Variants in TACC2 observed in about 807,000 individuals in gnomAD.
TACC2 encodes the protein transforming acidic coiled-coil containing protein 2.
TACC2 carries 137 observed loss-of-function variants against 227.3 expected under a neutral mutation model. That is an observed-to-expected ratio of 0.60 (90% confidence interval 0.52 to 0.69). The LOEUF (loss-of-function observed/expected upper bound fraction) is 0.69, where lower values mean the gene tolerates loss of function less well. TACC2 is among the 30% of genes least tolerant of loss of function. TACC2 has a pLI of 0.00. For synonymous variants in TACC2, 1,523 were observed against 1,487.5 expected (o/e 1.02, Z -0.55); for missense variants, 3,470 against 3,694.4 (o/e 0.94, Z 1.57).
Position 122,087,548 on chromosome 10 carries a change from C to T in TACC2, c.5048C>T (p.Pro1683Leu), listed in dbSNP as rs751066749. The stretch of plus-strand genomic sequence containing the variant: ...CTGGGCAACCAGAGCACCCCTGCAC[C>T]ACCAACTGGAGAAGTGGCAGACACT... ...NALGNQSTPA[P>L]PTGEVADTPL... is the part of the protein sequence containing the mutation. The change falls in exon 4 of 23, where the codon CCA becomes CTA. Residue 1683 changes from proline to leucine, a missense_variant. Coordinates refer to ENST00000369005, the MANE Select transcript of TACC2 (RefSeq NM_206862.4). The T allele has an allele frequency of 6.2e-7, 1 of 1,613,820 alleles. No individual in the cohort carries two copies. Among genetic ancestry groups the T allele is most frequent in the Non-Finnish European group, 8.5e-7 (1 of 1,180,038 alleles).
In TACC2 at chr10:122,248,677, G is replaced by C. The variant is rs1309376878; in HGVS notation, c.8427G>C (p.Gln2809His). 17 of 1,613,730 alleles carry C rather than the reference G, an allele frequency of 1.1e-5. No individual in the cohort carries two copies. The highest frequency in any genetic ancestry group is 1.4e-5 in the Non-Finnish European group (17 of 1,180,048). ...DEQREKSVSHQTVQQLVLEKE... is the reference protein window; with the variant it reads ...DEQREKSVSHHTVQQLVLEKE... ...AGAGAGAGAAGTCAGTCTCCCACCAGACGGTGCAGCAGCTGGTTCTGGAGA... is the reference window on the plus strand; with the variant it reads ...AGAGAGAGAAGTCAGTCTCCCACCACACGGTGCAGCAGCTGGTTCTGGAGA... Residue 2809 changes from glutamine (Q) to histidine (H), a missense_variant, in exon 20 of 23, where the codon CAG (glutamine) becomes CAC (histidine). This residue lies in a region of TACC2 where 65 missense variants were observed against 119.3 expected (regional missense o/e 0.54). Coordinates refer to ENST00000369005, the MANE Select transcript of TACC2 (RefSeq NM_206862.4).
At chr10:122,033,245 T>C in intron 2 of TACC2, 1 of 875,804 alleles carries the variant, frequency 1.1e-6, no homozygotes, top group Admixed American at 2.4e-5. Context: ...CATGTGCATT[T>C]ATATATTTAG....
intron 1 of TACC2, among the ~76,000 whole-genome samples, chr10:121,998,312 CA>C (rs1278618833): frequency 0.26 from 18,530 of 70,638 alleles, 1,164 homozygotes; most frequent in Admixed American, 0.34. Context: ...ACCACGTTCT[CA>C]AAAAAAAAAA....
At chr10:122,159,291 C>A (rs111881840) in intron 7 of TACC2, among the ~76,000 whole-genome samples, 1,687 of 152,288 alleles carry the variant, frequency 0.011, 36 homozygotes, top group African/African-American at 0.037. Flanking sequence ...CTGAGTGATG[C>A]GGCAGTGTGT....
intron 19 of TACC2, chr10:122,248,379 T>C: frequency 2.1e-6 from 1 of 477,140 alleles, no homozygotes; most frequent in South Asian, 2.6e-5. Flanking sequence ...GGGGCCGTAC[T>C]GATCAGGTTA....
At chr10:122,213,334 T>A (rs984578158) in intron 9 of TACC2, 4 of 1,611,314 alleles carry the variant, frequency 2.5e-6, no homozygotes. Context: ...TTTGTCTTCT[T>A]GTCTTAGGAT....
At chr10:122,022,296 C>A in intron 2 of TACC2, 1 of 341,250 alleles carries the variant, frequency 2.9e-6, no homozygotes, top group Non-Finnish European at 5.4e-6. Context: ...GGCTTGAATG[C>A]AGTGGCATGA....
chr10:122,181,365 G>A (rs2093966144), intron 7 of TACC2, among the ~76,000 whole-genome samples: 1 of 152,128 alleles, frequency 6.6e-6, no homozygotes, highest in Non-Finnish European at 1.5e-5. Flanking sequence ...CGTGCTTTAT[G>A]TTTCTTTATT....
chr10:122,129,767 TC>T (rs1359766956), intron 5 of TACC2, among the ~76,000 whole-genome samples: 1 of 152,164 alleles, frequency 6.6e-6, no homozygotes, highest in Non-Finnish European at 1.5e-5. Context: ...TTTGCAGTGA[TC>T]TCTTTCTCTG....
intron 5 of TACC2, chr10:122,126,988 A>G (rs1263203870): frequency 6.6e-6 from 1 of 152,586 alleles, no homozygotes; most frequent in African/African-American, 2.4e-5. Flanking sequence ...GAATGGGATT[A>G]GTGCCCTTAT....
At chr10:122,119,272 A>T (rs4417208) in intron 5 of TACC2, among the ~76,000 whole-genome samples, 85,295 of 151,662 alleles carry the variant, frequency 0.56, 27,482 homozygotes, top group Non-Finnish European at 0.71. Context: ...AAGCTCAAAG[A>T]GGTTAATGAA....
At chr10:122,137,517 C>T (rs952798159) in intron 6 of TACC2, among the ~76,000 whole-genome samples, 1 of 152,150 alleles carries the variant, frequency 6.6e-6, no homozygotes, top group African/African-American at 2.4e-5. Flanking sequence ...CTTCCAGCTG[C>T]TGTACCACTA....
At chr10:122,108,046 C>T (rs1301444235) in intron 5 of TACC2, among the ~76,000 whole-genome samples, 1 of 151,318 alleles carries the variant, frequency 6.6e-6, no homozygotes, top group African/African-American at 2.4e-5. Context: ...CACCCACCAC[C>T]ACGCCCGGCT....
chr10:122,146,213 T>G (rs769261511), intron 7 of TACC2, among the ~76,000 whole-genome samples: 22 of 152,048 alleles, frequency 1.4e-4, no homozygotes, highest in Admixed American at 1.0e-3. Context: ...GGCCGGAGGT[T>G]GCTGAAGATA....
chr10:122,226,532 C>A, intron 13 of TACC2, 51 bp downstream of exon 13: 2 of 1,251,368 alleles, frequency 1.6e-6, no homozygotes, highest in Non-Finnish European at 2.3e-6. Flanking sequence ...TGTTCTAAAG[C>A]CTCTGAGCAC....
chr10:122,007,892 G>T (rs10047286), intron 1 of TACC2, among the ~76,000 whole-genome samples: 5 of 152,056 alleles, frequency 3.3e-5, no homozygotes, highest in Middle Eastern at 6.8e-3. Context: ...ATGGGAGTGG[G>T]TTAGTTATCA....
intron 5 of TACC2, among the ~76,000 whole-genome samples, chr10:122,132,066 A>AGGAAGG (rs376432262): frequency 1.7e-5 from 1 of 58,250 alleles, no homozygotes; most frequent in African/African-American, 6.9e-5. Flanking sequence ...GAAAGAAAGA[A>AGGAAGG]AAAGAAAGAA....
At chr10:122,171,041 G>GCAATAGATTAGGGGCCGTGAA (rs1310132379) in intron 7 of TACC2, among the ~76,000 whole-genome samples, 2 of 152,182 alleles carry the variant, frequency 1.3e-5, no homozygotes, top group East Asian at 1.9e-4. Context: ...GGGGCCGTGA[G>GCAATAGATTAGGGGCCGTGAA]CAATAGATTT....
chr10:122,150,928 G>C lies in TACC2; in HGVS notation c.5834+7222G>C, dbSNP rs935917980. Among the ~76,000 whole-genome samples, 3 of 152,196 alleles carry C rather than the reference G, an allele frequency of 2.0e-5. No individual in the cohort carries two copies. Among genetic ancestry groups the C allele is most frequent in the African/African-American group, 7.2e-5 (3 of 41,452 alleles). On this transcript the variant is annotated intron_variant, in intron 7 of 22. Transcript: ENST00000369005. This position sits in a 1 kb window ranked among gnomAD's most constrained non-coding sequence, Gnocchi z 4.0. ...GGTGGCGCAGGGGAAGGAGCATGAA[G>C]TTGGAAAGACAGGCCTATTTACCAG... is the stretch of plus-strand genomic sequence containing the variant.
Sources: gnomAD v4.1 joint callset for allele counts (sites outside exome capture counted in the v4.1 genomes callset) on GRCh38, gnomAD v4.1.1 for gene constraint, gnomAD v4.1.1 regional missense constraint, Gnocchi (gnomAD v3.1) non-coding constraint, MANE v1.5 for transcripts, NCBI Gene and HGNC (gene_info 2026-07-23, HGNC 2026-07-21) for gene names.